The following CMTM4 variants were observed in gnomAD, a reference collection of about 807,000 sequenced individuals.
The protein encoded by CMTM4 is CKLF-like MARVEL transmembrane domain-containing protein 4.
In CMTM4, 8 loss-of-function variants were observed where a neutral mutation model predicts 19.0. The ratio of observed to expected loss-of-function variants is 0.42; its 90% confidence interval spans 0.25 to 0.76. The LOEUF is 0.76. CMTM4 is among the 30% of genes least tolerant of loss of function. The pLI is 0.27. For synonymous variants in CMTM4, 106 were observed against 121.1 expected, an observed-to-expected ratio of 0.88 and a Z score of 0.82; for missense variants, 228 against 290.2, an observed-to-expected ratio of 0.79 and a Z score of 1.56.
At chr16:66,609,584 T>A in the CMTM4 span, 1 of 1,535,818 alleles carries the variant, frequency 6.5e-7, no homozygotes, top group Admixed American at 1.9e-5. The surrounding 1 kb of genome is among the most constrained non-coding windows in gnomAD (Gnocchi z 4.4). Flanking sequence ...TAGCCCCTCA[T>A]TTAGGGTGGG....
At chr16:66,646,084 GA>G (rs1418246875) in intron 1 of CMTM4, among the ~76,000 whole-genome samples, 1 of 152,180 alleles carries the variant, frequency 6.6e-6, no homozygotes, top group East Asian at 1.9e-4. Context: ...GGATTCTGTG[GA>G]CTGGCGGGGA....
rs1337291630 is a variant in CMTM4, at chr16:66,618,584, T to C, written c.*3474A>G. ...GTACGCCTGGGCCACACGCAGGACA[T>C]GGCACCCACTAGGGTTGTTCAGGTC... On this transcript the variant is annotated 3_prime_UTR_variant, in exon 4 of 4. Transcript: ENST00000394106. The C allele has an allele frequency of 1.0e-5, 10 of 985,368 alleles. No individual in the cohort carries two copies. Among genetic ancestry groups the C allele is most frequent in the Non-Finnish European group, 1.2e-5 (10 of 829,972 alleles). 61.0% of individuals were successfully genotyped at this position (985,368 alleles called of 1,614,324 possible).
At chr16:66,694,985 G>C (rs1186901558) in intron 1 of CMTM4, among the ~76,000 whole-genome samples, 1 of 152,132 alleles carries the variant, frequency 6.6e-6, no homozygotes, top group East Asian at 1.9e-4. Flanking sequence ...ACAAACGCCA[G>C]GACATTTATT....
At chr16:66,654,769 A>G (rs969012374) in intron 1 of CMTM4, among the ~76,000 whole-genome samples, 1 of 152,154 alleles carries the variant, frequency 6.6e-6, no homozygotes, top group African/African-American at 2.4e-5. Flanking sequence ...CAACTGTAAA[A>G]TGAATTAAGG....
the CMTM4 span, among the ~76,000 whole-genome samples, chr16:66,602,846 C>T: frequency 6.6e-6 from 1 of 152,238 alleles, no homozygotes; most frequent in Non-Finnish European, 1.5e-5. Flanking sequence ...TGCACCCAGA[C>T]CCAAGGAGCC....
chr16:66,696,595 C>CCGCCGCAT lies in CMTM4; in HGVS notation c.-78_-71dup. 1.0e-6 allele frequency: 1 copy of CCGCCGCAT among 962,210 alleles called. No homozygotes were observed. Among genetic ancestry groups the CCGCCGCAT allele is most frequent in the Non-Finnish European group, 1.3e-6 (1 of 797,252 alleles). The allele number at this position is 962,210 out of a possible 1,614,324, so 59.6% of individuals were successfully genotyped here. A position where few individuals can be genotyped will look rare whatever the true frequency, so the allele number is the denominator to read the frequency against. On this transcript the variant is annotated 5_prime_UTR_variant, in exon 1 of 4. It adds an upstream start codon to the 5' untranslated region. Transcript: ENST00000394106. This position sits in a 1 kb window ranked among gnomAD's most constrained non-coding sequence, Gnocchi z 4.3. ...CCAGGAGCGGGCGGACTCAGCGGGG[C>CCGCCGCAT]CGCCGCATCGCCGCCGCCGCCGCCG...
In CMTM4 at chr16:66,637,286, T is replaced by G. The variant is rs146212040; in HGVS notation, c.187-705A>C. Reference sequence around the variant, plus strand: ...TAGGCTGGGCACGGGGGCTCATGCCTGTAATCCCAGTACTTTGGGAGGCCA... The same window carrying G: ...TAGGCTGGGCACGGGGGCTCATGCCGGTAATCCCAGTACTTTGGGAGGCCA... On this transcript the variant is annotated intron_variant, in intron 1 of 3. Coordinates refer to ENST00000394106, the MANE Select transcript of CMTM4 (RefSeq NM_181521.3). Among the ~76,000 whole-genome samples, 1,118 of 152,184 alleles carry G rather than the reference T, an allele frequency of 7.3e-3. 11 individuals carry two copies. Among genetic ancestry groups the G allele is most frequent in the African/African-American group, 0.025 (1,040 of 41,576 alleles).
chr16:66,673,188 G>C (rs899931680), intron 1 of CMTM4, among the ~76,000 whole-genome samples: 10 of 140,100 alleles, frequency 7.1e-5, no homozygotes, highest in Admixed American at 1.5e-4. Context: ...TGGGATCACA[G>C]ATGTGAGCCA....
At position 66,620,076 on chromosome 16, in the gene CMTM4, G is replaced by A; in HGVS notation, c.*1982C>T. 1 of 985,426 alleles carries A rather than the reference G, an allele frequency of 1.0e-6. No homozygotes were observed. The highest frequency in any genetic ancestry group is 1.2e-6 in the Non-Finnish European group (1 of 829,924). 61.0% of individuals were successfully genotyped at this position (985,426 alleles called of 1,614,324 possible). ...ACAAGCCCACCTGAATGGTGTTCTT[G>A]TTTTCAATCTCACTTCAAAGATGGC... On this transcript the variant is annotated 3_prime_UTR_variant, in exon 4 of 4. Transcript: ENST00000394106.
intron 1 of CMTM4, among the ~76,000 whole-genome samples, chr16:66,638,172 C>T (rs922243927): frequency 9.2e-5 from 14 of 152,174 alleles, no homozygotes; most frequent in Admixed American, 2.6e-4. Context: ...TGCATTCTAT[C>T]CTTACCATCT....
chr16:66,646,576 A>G lies in CMTM4; in HGVS notation c.187-9995T>C, dbSNP rs368178850. Among the ~76,000 whole-genome samples the G allele has an allele frequency of 5.1e-4, 78 of 152,232 alleles. 2 individuals are homozygous for G. In the East Asian group the frequency reaches 0.013, roughly 26 times the overall value. Reference sequence around the variant, plus strand: ...ATGTTCCAAAATTTCTACAAAGAGTATATGTGTTTTTAATTAGAAAAAAAA... The same window carrying G: ...ATGTTCCAAAATTTCTACAAAGAGTGTATGTGTTTTTAATTAGAAAAAAAA... On this transcript the variant is annotated intron_variant, in intron 1 of 3. Transcript: ENST00000394106.
chr16:66,607,910 T>C, the CMTM4 span, among the ~76,000 whole-genome samples: 1 of 151,656 alleles, frequency 6.6e-6, no homozygotes, highest in Non-Finnish European at 1.5e-5. Context: ...AGTGGCCTGA[T>C]CACAGCTCAC....
the CMTM4 span, among the ~76,000 whole-genome samples, chr16:66,600,110 T>C: frequency 2.0e-5 from 3 of 148,372 alleles, no homozygotes; most frequent in African/African-American, 7.5e-5. Context: ...ACAGCCATCC[T>C]TTTGTGTGTG....
intron 1 of CMTM4, among the ~76,000 whole-genome samples, chr16:66,639,602 T>C (rs2016062733): frequency 6.6e-6 from 1 of 151,456 alleles, no homozygotes; most frequent in African/African-American, 2.4e-5. Flanking sequence ...CCAGGAAGAG[T>C]GGCTCATGCC....
chr16:66,612,496 G>A (rs1182505664), downstream of CMTM4: 3 of 1,066,078 alleles, frequency 2.8e-6, no homozygotes, highest in Non-Finnish European at 4.2e-6. This position sits in a 1 kb window ranked among gnomAD's most constrained non-coding sequence, Gnocchi z 6.0. Flanking sequence ...GTCAGCTGCA[G>A]GAGGCCTGCA....
intron 1 of CMTM4, among the ~76,000 whole-genome samples, chr16:66,684,957 A>C (rs1196638852): frequency 2.0e-5 from 3 of 152,100 alleles, no homozygotes; most frequent in African/African-American, 7.2e-5. Flanking sequence ...AATGAACCCA[A>C]ATCCCATCTC....
At chr16:66,690,411 T>C (rs531529518) in intron 1 of CMTM4, among the ~76,000 whole-genome samples, 1 of 152,350 alleles carries the variant, frequency 6.6e-6, no homozygotes, top group African/African-American at 2.4e-5. Flanking sequence ...TTGGGGCTGA[T>C]AAGCTCAGTG....
chr16:66,626,642 T>TGC (rs1453959043), intron 2 of CMTM4, among the ~76,000 whole-genome samples: 1 of 150,070 alleles, frequency 6.7e-6, no homozygotes, highest in Non-Finnish European at 1.5e-5. Flanking sequence ...TAGTAGCACA[T>TGC]GCCTGTAGTC....
chr16:66,684,519 T>C (rs755618056), intron 1 of CMTM4, among the ~76,000 whole-genome samples: 7 of 151,878 alleles, frequency 4.6e-5, no homozygotes, highest in Non-Finnish European at 1.0e-4. Context: ...TAATAAACTC[T>C]AGTGATCCCA....
Sources: gnomAD v4.1 joint callset for allele counts (sites outside exome capture counted in the v4.1 genomes callset) on GRCh38, gnomAD v4.1.1 for gene constraint, Gnocchi (gnomAD v3.1) non-coding constraint, MANE v1.5 for transcripts, NCBI Gene and HGNC (gene_info 2026-07-23, HGNC 2026-07-21) for gene names.